Variants in GRIN2A observed in about 807,000 individuals in gnomAD.
The protein encoded by GRIN2A is glutamate ionotropic receptor NMDA type subunit 2A.
In GRIN2A, 22 loss-of-function variants were observed where a neutral mutation model predicts 113.4. The ratio of observed to expected loss-of-function variants is 0.19; its 90% CI spans 0.14 to 0.28. GRIN2A has a LOEUF of 0.28. GRIN2A is among the 10% of genes least tolerant of loss of function. The pLI, the probability that GRIN2A is intolerant of heterozygous loss-of-function variation, is 1.00. For missense variants in GRIN2A, 1,502 were observed against 1,887.0 expected, an observed-to-expected ratio of 0.80 and a Z score of 3.78; for synonymous variants, 827 against 738.4, an observed-to-expected ratio of 1.12 and a Z score of -1.94.
chr16:9,937,884 G>T, intron 3 of GRIN2A, 75 bp downstream of exon 3: 1 of 1,014,048 alleles, frequency 9.9e-7, no homozygotes, highest in Non-Finnish European at 1.6e-6. Context: ...TTCCAACAAT[G>T]AGTATGTAAG....
intron 2 of GRIN2A, among the ~76,000 whole-genome samples, chr16:10,170,807 G>A (rs917253593): frequency 6.6e-6 from 1 of 151,726 alleles, no homozygotes; most frequent in African/African-American, 2.4e-5. Context: ...AGCCCAGGAG[G>A]TTGAGGCTGC....
intron 3 of GRIN2A, among the ~76,000 whole-genome samples, chr16:9,894,140 T>G (rs2043756705): frequency 6.6e-6 from 1 of 152,118 alleles, no homozygotes; most frequent in African/African-American, 2.4e-5. Flanking sequence ...AGGCATCATC[T>G]TAAGTAAAGA....
In GRIN2A at chr16:10,066,308, T is replaced by C. The variant is rs140215470; in HGVS notation, c.414+113690A>G. Among the ~76,000 whole-genome samples, 631 of 152,250 alleles carry C rather than the reference T, an allele frequency of 4.1e-3. 3 individuals are homozygous for C. The highest frequency in any genetic ancestry group is 0.014 in the African/African-American group (598 of 41,524). On this transcript the variant is annotated intron_variant, in intron 2 of 12. Transcript: ENST00000330684. Reference sequence around the variant, plus strand: ...CTCACGAAGTGGCCGCTGGGCTCCTTCCTGGAGTCTAATCCTGTCTGTCTC... The same window carrying C: ...CTCACGAAGTGGCCGCTGGGCTCCTCCCTGGAGTCTAATCCTGTCTGTCTC...
At chr16:10,121,811 TAA>T (rs1331235965) in intron 2 of GRIN2A, among the ~76,000 whole-genome samples, 1 of 152,194 alleles carries the variant, frequency 6.6e-6, no homozygotes, top group Non-Finnish European at 1.5e-5. Flanking sequence ...GAGCAAATGC[TAA>T]AAGTTTTGAT....
chr16:10,015,252 C>CAAAAAAAA (rs200124835), intron 2 of GRIN2A, among the ~76,000 whole-genome samples: 193 of 19,262 alleles, frequency 0.01, 11 homozygotes, highest in African/African-American at 0.014. Flanking sequence ...GACTTCATCT[C>CAAAAAAAA]AAAAAAAAAA....
intron 9 of GRIN2A, among the ~76,000 whole-genome samples, chr16:9,828,651 AC>A (rs2042431446): frequency 6.6e-6 from 1 of 152,086 alleles, no homozygotes; most frequent in Admixed American, 6.5e-5. Flanking sequence ...CACCCAGTTT[AC>A]CTCTTTTCTT....
At chr16:10,063,610 T>C (rs2047592462) in intron 2 of GRIN2A, among the ~76,000 whole-genome samples, 1 of 152,324 alleles carries the variant, frequency 6.6e-6, no homozygotes, top group African/African-American at 2.4e-5. Flanking sequence ...CCAATTGATT[T>C]AGTATCCCGT....
chr16:10,172,617 A>T (rs1025074571), intron 2 of GRIN2A, among the ~76,000 whole-genome samples: 1 of 152,344 alleles, frequency 6.6e-6, no homozygotes, highest in East Asian at 1.9e-4. Context: ...GGATCGTGGC[A>T]GGTGGGGTTG....
At chr16:10,068,518 C>A (rs540777162) in intron 2 of GRIN2A, among the ~76,000 whole-genome samples, 2 of 152,156 alleles carry the variant, frequency 1.3e-5, no homozygotes, top group Non-Finnish European at 2.9e-5. Context: ...CAAAGTAACT[C>A]GGAGCAAGAG....
rs191567068 is a variant in GRIN2A, at chr16:10,116,506, G to C, written c.414+63492C>G. 2.0e-3 allele frequency among the ~76,000 whole-genome samples: 303 copies of C among 152,286 alleles called. 1 individual carries two copies. The highest frequency in any genetic ancestry group is 7.1e-3 in the African/African-American group (294 of 41,552). Reference sequence around the variant, plus strand: ...TTAAAAAGGAAATAGAACCATGGAAGCTTAAGCAAAATGAAGCAAAGGGGA... The same window carrying C: ...TTAAAAAGGAAATAGAACCATGGAACCTTAAGCAAAATGAAGCAAAGGGGA... On this transcript the variant is annotated intron_variant, in intron 2 of 12. Coordinates refer to ENST00000330684, the MANE Select transcript of GRIN2A (RefSeq NM_001134407.3).
intron 7 of GRIN2A, among the ~76,000 whole-genome samples, chr16:9,837,156 T>G (rs1309395396): frequency 2.6e-5 from 4 of 152,220 alleles, no homozygotes; most frequent in Non-Finnish European, 5.9e-5. Flanking sequence ...GTAGCTTAGC[T>G]GGTTCATTAT....
chr16:9,893,346 T>C (rs928227403), intron 3 of GRIN2A, among the ~76,000 whole-genome samples: 8 of 152,228 alleles, frequency 5.3e-5, no homozygotes, highest in African/African-American at 1.9e-4. Flanking sequence ...TCAAATACTT[T>C]AACAAACAGA....
intron 4 of GRIN2A, among the ~76,000 whole-genome samples, chr16:9,884,624 AT>A (rs1264992431): frequency 6.6e-6 from 1 of 151,378 alleles, no homozygotes; most frequent in Non-Finnish European, 1.5e-5. Flanking sequence ...TTCTCAAAGC[AT>A]TTTTTTTCAG....
At chr16:10,170,750 G>A (rs564600625) in intron 2 of GRIN2A, among the ~76,000 whole-genome samples, 36 of 152,044 alleles carry the variant, frequency 2.4e-4, no homozygotes, top group Admixed American at 5.9e-4. Flanking sequence ...CATGGCACAC[G>A]CCTGTGTTCC....
intron 12 of GRIN2A, among the ~76,000 whole-genome samples, chr16:9,766,995 G>GA (rs1424960275): frequency 1.3e-5 from 2 of 152,234 alleles, no homozygotes; most frequent in African/African-American, 4.8e-5. Flanking sequence ...TAGATAGATA[G>GA]AGGAAATGCT....
chr16:10,049,275 G>C (rs1220718362), intron 2 of GRIN2A, among the ~76,000 whole-genome samples: 4 of 152,018 alleles, frequency 2.6e-5, no homozygotes, highest in Non-Finnish European at 5.9e-5. Flanking sequence ...TAAATGCTCT[G>C]TGTTTACTCT....
chr16:9,796,686 G>A (rs1372702901), intron 11 of GRIN2A, among the ~76,000 whole-genome samples: 5 of 152,192 alleles, frequency 3.3e-5, no homozygotes, highest in African/African-American at 9.7e-5. Context: ...TTTTCAGCCC[G>A]AGACACAGCA....
chr16:10,014,284 C>A (rs1450235149), intron 2 of GRIN2A, among the ~76,000 whole-genome samples: 2 of 152,176 alleles, frequency 1.3e-5, no homozygotes, highest in Non-Finnish European at 2.9e-5. Context: ...AATTTTATAA[C>A]CTAAATGCAA....
intron 2 of GRIN2A, among the ~76,000 whole-genome samples, chr16:9,941,157 T>A (rs756208682): frequency 6.6e-6 from 1 of 152,100 alleles, no homozygotes; most frequent in Non-Finnish European, 1.5e-5. Context: ...AAAGGCACCA[T>A]TGGAACCTAA....
Sources: allele counts gnomAD v4.1 joint callset (sites outside exome capture counted in the v4.1 genomes callset), GRCh38; gene constraint gnomAD v4.1.1; transcripts MANE v1.5; gene names NCBI Gene and HGNC (gene_info 2026-07-23, HGNC 2026-07-21).